TCP11L1: variants seen among roughly 807,000 people sequenced by gnomAD.
TCP11L1 encodes t-complex 11 like 1, also known as T-complex protein 11-like protein 1.
Under a neutral mutation model 48.9 loss-of-function variants are expected in TCP11L1, and 28 were observed. That is an observed-to-expected ratio of 0.57 (90% CI 0.42 to 0.78). The LOEUF (loss-of-function observed/expected upper bound fraction) is 0.78, where lower values mean the gene tolerates loss of function less well. Among genes scored for constraint, TCP11L1 ranks in the 30% least tolerant of loss-of-function variants. The probability of loss-of-function intolerance (pLI) is 0.00; values close to 1 mark genes in which losing one functional copy is unlikely to be tolerated. For missense variants in TCP11L1, 505 were observed against 613.4 expected (o/e 0.82, Z 1.87); for synonymous variants, 204 against 231.9 (o/e 0.88, Z 1.09).
chr11:33,054,905 T>C (rs1386223730), intron 3 of TCP11L1, among the ~76,000 whole-genome samples, 180 bp downstream of exon 3: 29 of 152,282 alleles, frequency 1.9e-4, no homozygotes, highest in Non-Finnish European at 4.4e-5. Context: ...AAAAATCTTT[T>C]GTGAAAGTCT....
rs1035634688 is a variant in TCP11L1, at chr11:33,054,511, G to A, written c.164-82G>A. ...GACGCAATAACTGAAATTATTGTCTGGTACCAGAACCACTGTTTTCTTATT... is the reference window on the plus strand; with the variant it reads ...GACGCAATAACTGAAATTATTGTCTAGTACCAGAACCACTGTTTTCTTATT... On this transcript the variant is annotated intron_variant, in intron 2 of 9. Coordinates refer to ENST00000334274, the MANE Select transcript of TCP11L1 (RefSeq NM_018393.4). 1.9e-5 allele frequency: 29 copies of A among 1,507,966 alleles called. No individual in the cohort carries two copies. In the East Asian group the frequency reaches 5.4e-4, roughly 28 times the overall value. The allele number at this position is 1,507,966 out of a possible 1,614,324, so 93.4% of individuals were successfully genotyped here.
rs79805215 is a variant in TCP11L1 at position 33,044,159 on chromosome 11, C to T, written c.163+223C>T. The T allele has an allele frequency of 6.5e-3, 2,676 of 411,736 alleles. 70 individuals are homozygous for T. Among genetic ancestry groups the T allele is most frequent in the African/African-American group, 0.047 (2,278 of 48,606 alleles). The allele number at this position is 411,736 out of a possible 1,614,324, so 25.5% of individuals were successfully genotyped here. ...ATTTAGAATAATGTCCAGAACGTTC[C>T]TGTCTTTCTCCAGCCTCAGTGACAC... On this transcript the variant is annotated intron_variant, in intron 2 of 9. Coordinates refer to ENST00000334274, the MANE Select transcript of TCP11L1 (RefSeq NM_018393.4).
intron 7 of TCP11L1, among the ~76,000 whole-genome samples, chr11:33,063,626 T>G (rs1319567536): frequency 2.0e-5 from 3 of 152,356 alleles, no homozygotes; most frequent in African/African-American, 7.2e-5. Flanking sequence ...GCAAGACCTC[T>G]TTAAGAAGAT....
chr11:33,066,756 A>G (rs1227866136), intron 8 of TCP11L1, among the ~76,000 whole-genome samples: 1 of 152,162 alleles, frequency 6.6e-6, no homozygotes, highest in African/African-American at 2.4e-5. Context: ...ATTCAAATGT[A>G]TTAAACTCTT....
Position 33,043,910 on chromosome 11 carries a change from G to A in TCP11L1, c.137G>A (p.Ser46Asn), listed in dbSNP as rs780108765. The stretch of plus-strand genomic sequence containing the variant: ...AAAGCAATAAAGTCAGACTCCTCCA[G>A]CCCCCAAAGAGTGCAGAGACCTCAC... ...LQKAIKSDSS[S>N]PQRVQRPHSS... Residue 46 changes from serine (S) to asparagine (N), a missense_variant, in exon 2 of 10, where the codon AGC becomes AAC. Ser to Asn is a conservative substitution (Grantham distance 46, BLOSUM62 1). Coordinates refer to ENST00000334274, the MANE Select transcript of TCP11L1 (RefSeq NM_018393.4). The A allele has an allele frequency of 6.2e-7, 1 of 1,612,366 alleles. No individual in the cohort carries two copies.
intron 1 of TCP11L1, 44 bp from the exon 2 acceptor site, chr11:33,043,706 C>A: frequency 6.6e-7 from 1 of 1,515,690 alleles, no homozygotes; most frequent in Non-Finnish European, 8.9e-7. Flanking sequence ...GGTGACAGAG[C>A]TAGAATACTT....
intron 9 of TCP11L1, among the ~76,000 whole-genome samples, chr11:33,070,547 T>C (rs1030559807): frequency 5.9e-5 from 9 of 151,836 alleles, no homozygotes; most frequent in South Asian, 2.1e-4. Context: ...TAGCCAGGCA[T>C]GGTGGTGCAT....
intron 9 of TCP11L1, 84 bp downstream of exon 9, chr11:33,068,943 G>A: frequency 6.6e-7 from 1 of 1,516,116 alleles, no homozygotes; most frequent in South Asian, 1.3e-5. Context: ...TGAGGGCTCA[G>A]CTGGAGTTAA....
At chr11:33,064,749 G>A (rs1854564963) in intron 7 of TCP11L1, among the ~76,000 whole-genome samples, 1 of 152,234 alleles carries the variant, frequency 6.6e-6, no homozygotes. Flanking sequence ...GGCTCTGCCT[G>A]CAAGGCAGTC....
At chr11:33,072,345 A>G in intron 9 of TCP11L1, 129 bp from the exon 10 acceptor site, 3 of 866,482 alleles carry the variant, frequency 3.5e-6, no homozygotes, top group Non-Finnish European at 5.7e-6. Context: ...TGCTGTGGGT[A>G]TCTGGTCTGG....
At chr11:33,066,701 G>A (rs557071982) in intron 8 of TCP11L1, among the ~76,000 whole-genome samples, 1 of 152,056 alleles carries the variant, frequency 6.6e-6, no homozygotes, top group Non-Finnish European at 1.5e-5. Flanking sequence ...GACCTCCAAG[G>A]TTCTTGTGTT....
In TCP11L1 at chr11:33,072,859, T is replaced by G; in HGVS notation, c.*183T>G. On this transcript the variant is annotated 3_prime_UTR_variant, in exon 10 of 10. Transcript: ENST00000334274. ...TTGAGAAATCCACTGAATTCTATTT[T>G]GAGAGATTGTATTTATGAGTGCAAG... is the stretch of plus-strand genomic sequence containing the variant. 1 of 680,096 alleles carries G rather than the reference T, an allele frequency of 1.5e-6. No individual in the cohort carries two copies. Among genetic ancestry groups the G allele is most frequent in the Non-Finnish European group, 2.4e-6 (1 of 408,832 alleles). 42.1% of individuals were successfully genotyped at this position (680,096 alleles called of 1,614,324 possible).
chr11:33,054,792 C>T lies in TCP11L1; in HGVS notation c.296+67C>T, dbSNP rs1854262802. The stretch of plus-strand genomic sequence containing the variant: ...CATTTCCCAGTTTTGAAAATGTTTC[C>T]TTCAGTTGATACCAATATATTCAAA... On this transcript the variant is annotated intron_variant, in intron 3 of 9. Transcript: ENST00000334274. 15 of 1,536,428 alleles carry T rather than the reference C, an allele frequency of 9.8e-6. No homozygotes were observed. In the South Asian group the frequency reaches 1.7e-4, roughly 18 times the overall value.
intron 7 of TCP11L1, among the ~76,000 whole-genome samples, chr11:33,062,381 G>A (rs188027713): frequency 5.3e-4 from 75 of 141,000 alleles, no homozygotes; most frequent in Admixed American, 1.5e-3. Context: ...TTATTTAAAT[G>A]AAATCATACA....
At chr11:33,053,553 C>T (rs560639357) in intron 2 of TCP11L1, among the ~76,000 whole-genome samples, 17 of 152,234 alleles carry the variant, frequency 1.1e-4, no homozygotes, top group African/African-American at 3.1e-4. Context: ...ATTTTGAGGC[C>T]GTTGCAGCAG....
Position 33,065,960 on chromosome 11 carries a change from C to A in TCP11L1, c.1103C>A (p.Ala368Asp). The A allele has an allele frequency of 6.2e-7, 1 of 1,614,186 alleles. No homozygotes were observed. The highest frequency in any genetic ancestry group is 2.2e-5 in the East Asian group (1 of 44,886). ...APGISSQADF[A>D]EKLKMIVKIL... ...GGAATTTCCAGCCAGGCCGACTTTG[C>A]TGAGAAACTCAAGATGATTGTGAAG... The change falls in exon 8 of 10, where the codon GCT (alanine) becomes GAT (aspartate). Residue 368 changes from alanine (A) to aspartate (D), a missense_variant. Coordinates refer to ENST00000334274, the MANE Select transcript of TCP11L1 (RefSeq NM_018393.4).
At chr11:33,051,504 A>AAAAC (rs906748511) in intron 2 of TCP11L1, among the ~76,000 whole-genome samples, 12 of 152,042 alleles carry the variant, frequency 7.9e-5, no homozygotes, top group Non-Finnish European at 1.6e-4. Context: ...CATTTGATTA[A>AAAAC]AAACAAACAA....
rs1411783065 is a variant in TCP11L1 at position 33,072,852 on chromosome 11, T to A, written c.*176T>A. 1 of 700,642 alleles carries A rather than the reference T, an allele frequency of 1.4e-6. No individual in the cohort carries two copies. The highest frequency in any genetic ancestry group is 2.3e-6 in the Non-Finnish European group (1 of 425,628). The allele number at this position is 700,642 out of a possible 1,614,324, so 43.4% of individuals were successfully genotyped here. A position where few individuals can be genotyped will look rare whatever the true frequency, so the allele number is the denominator to read the frequency against. On this transcript the variant is annotated 3_prime_UTR_variant, in exon 10 of 10. Coordinates refer to ENST00000334274, the MANE Select transcript of TCP11L1 (RefSeq NM_018393.4). The stretch of plus-strand genomic sequence containing the variant: ...AGACTTGTTGAGAAATCCACTGAAT[T>A]CTATTTTGAGAGATTGTATTTATGA...
In TCP11L1 at chr11:33,065,871, G is replaced by A; in HGVS notation, c.1014G>A (p.Leu338=). 6.2e-7 allele frequency: 1 copy of A among 1,614,114 alleles called. No homozygotes were observed. Among genetic ancestry groups the A allele is most frequent in the Non-Finnish European group, 8.5e-7 (1 of 1,179,984 alleles). ...MDQSRFHELQ[L]QLEQLTILGA... ...AGTCTCGCTTCCACGAGCTCCAGTT[G>A]CAGCTGGAACAACTGACCATCCTGG... is the stretch of plus-strand genomic sequence containing the variant. The change falls in exon 8 of 10, where the codon TTG becomes TTA. Residue 338 remains leucine (L), a synonymous_variant. Transcript: ENST00000334274.
Sources: allele counts gnomAD v4.1 joint callset (sites outside exome capture counted in the v4.1 genomes callset), GRCh38; gene constraint gnomAD v4.1.1; transcripts MANE v1.5; gene names NCBI Gene and HGNC (gene_info 2026-07-23, HGNC 2026-07-21).